PDCD6: variants seen among roughly 807,000 people sequenced by gnomAD.
PDCD6 encodes programmed cell death protein 6.
PDCD6 carries 12 observed loss-of-function variants against 28.3 expected under a neutral mutation model. That is an observed-to-expected ratio of 0.42 (90% CI 0.27 to 0.69). PDCD6 has a LOEUF of 0.69. Ranked by LOEUF, PDCD6 falls within the 30% of genes least tolerant of loss-of-function variation. The probability of loss-of-function intolerance (pLI) is 0.22; values close to 1 mark genes in which losing one functional copy is unlikely to be tolerated. For missense variants in PDCD6, 226 were observed against 269.9 expected (o/e 0.84, Z 1.14); for synonymous variants, 92 against 108.0 (o/e 0.85, Z 0.92).
intron 2 of PDCD6, among the ~76,000 whole-genome samples, chr5:278,683 A>G (rs953389745): frequency 3.3e-5 from 5 of 151,744 alleles, no homozygotes; most frequent in African/African-American, 1.2e-4. Context: ...ATTGCACTCC[A>G]GCCTGGGTGA....
chr5:302,003 C>T (rs1740089838), intron 2 of PDCD6, among the ~76,000 whole-genome samples: 1 of 138,174 alleles, frequency 7.2e-6, no homozygotes, highest in Admixed American at 7.7e-5. Context: ...TTCAGGTGCA[C>T]CTGCCTTTGT....
At chr5:293,421 C>T (rs1465452349) in intron 2 of PDCD6, among the ~76,000 whole-genome samples, 5 of 83,220 alleles carry the variant, frequency 6.0e-5, no homozygotes, top group African/African-American at 2.2e-4. Context: ...ATCAAGAAGA[C>T]GGGAACAGCA....
intron 2 of PDCD6, among the ~76,000 whole-genome samples, chr5:279,142 C>G (rs558521902): frequency 6.6e-6 from 1 of 152,230 alleles, no homozygotes; most frequent in East Asian, 1.9e-4. Flanking sequence ...AGTGTGGGGA[C>G]ACAGAGACTG....
intron 2 of PDCD6, among the ~76,000 whole-genome samples, chr5:283,831 G>A (rs1028611207): frequency 6.6e-6 from 1 of 150,554 alleles, no homozygotes; most frequent in East Asian, 2.0e-4. Context: ...CTGCAGACCC[G>A]GAGAGGAGCT....
chr5:293,342 C>G (rs1462194994), intron 2 of PDCD6, among the ~76,000 whole-genome samples: 3 of 133,560 alleles, frequency 2.2e-5, no homozygotes. Flanking sequence ...GGGAACAGCA[C>G]GAGGCACTGG....
chr5:293,280 G>A (rs1269247193), intron 2 of PDCD6, among the ~76,000 whole-genome samples: 1 of 151,726 alleles, frequency 6.6e-6, no homozygotes, highest in African/African-American at 2.4e-5. Flanking sequence ...AAACACCCAC[G>A]ATACTGTCAG....
At chr5:278,870 G>A (rs866780215) in intron 2 of PDCD6, among the ~76,000 whole-genome samples, 3 of 149,610 alleles carry the variant, frequency 2.0e-5, no homozygotes, top group African/African-American at 4.9e-5. Flanking sequence ...CTGGGGACAC[G>A]GGAGGGGCTG....
At position 271,648 on chromosome 5, in the gene PDCD6, A is replaced by C. The variant is rs1199069679; in HGVS notation, c.-73A>C. The C allele has an allele frequency of 1.2e-6, 1 of 850,288 alleles. No homozygotes were observed. The highest frequency in any genetic ancestry group is 1.7e-5 in the African/African-American group (1 of 58,214). 52.7% of individuals were successfully genotyped at this position (850,288 alleles called of 1,614,324 possible). ...TAATGCCAGGCCCTGCCCCCGGCAG[A>C]GGCGGAAGCGGAGTCGGCCTGAGAG... On this transcript the variant is annotated 5_prime_UTR_variant, in exon 1 of 6. Transcript: ENST00000264933.
chr5:271,684 G>C lies in PDCD6; in HGVS notation c.-37G>C. ...GAGTCGGCCTGAGAGGTCTCTCGTCGCTGCAGGCGCCTCAGCCCAGCCGCG... is the reference window on the plus strand; with the variant it reads ...GAGTCGGCCTGAGAGGTCTCTCGTCCCTGCAGGCGCCTCAGCCCAGCCGCG... On this transcript the variant is annotated 5_prime_UTR_variant, in exon 1 of 6. Transcript: ENST00000264933. The C allele has an allele frequency of 7.9e-7, 1 of 1,267,746 alleles. No individual in the cohort carries two copies. The allele number at this position is 1,267,746 out of a possible 1,614,324, so 78.5% of individuals were successfully genotyped here.
intron 2 of PDCD6, among the ~76,000 whole-genome samples, chr5:299,686 A>T (rs562904012): frequency 6.6e-5 from 10 of 151,806 alleles, no homozygotes; most frequent in African/African-American, 2.4e-4. Flanking sequence ...AGTAGCTGGG[A>T]CTACAGGCAC....
At chr5:312,010 T>G (rs1283009293) in intron 5 of PDCD6, 1 of 154,028 alleles carries the variant, frequency 6.5e-6, no homozygotes, top group Non-Finnish European at 1.4e-5. Flanking sequence ...TTACAAAAAC[T>G]TTTATTCTGA....
chr5:274,539 A>G (rs1429499905), intron 2 of PDCD6, among the ~76,000 whole-genome samples: 1 of 152,266 alleles, frequency 6.6e-6, no homozygotes, highest in Admixed American at 6.5e-5. Flanking sequence ...GCAAGTGCTC[A>G]GTAATTGTCA....
intron 2 of PDCD6, among the ~76,000 whole-genome samples, chr5:280,314 A>G (rs567734980): frequency 3.9e-5 from 5 of 127,552 alleles, no homozygotes; most frequent in Non-Finnish European, 7.4e-5. Flanking sequence ...GGAACAGCAC[A>G]GGGGAGAGAC....
At chr5:271,902 C>G in intron 1 of PDCD6, 81 bp downstream of exon 1, 1 of 713,422 alleles carries the variant, frequency 1.4e-6, no homozygotes, top group South Asian at 2.9e-5. Context: ...CGACCAACCC[C>G]GTTCCCTGCC....
At chr5:299,687 C>A (rs139751888) in intron 2 of PDCD6, among the ~76,000 whole-genome samples, 1 of 151,834 alleles carries the variant, frequency 6.6e-6, no homozygotes. Flanking sequence ...GTAGCTGGGA[C>A]TACAGGCACA....
chr5:289,400 C>T (rs1229305623), intron 2 of PDCD6: 1 of 640,966 alleles, frequency 1.6e-6, no homozygotes, highest in Non-Finnish European at 2.8e-6. Flanking sequence ...TACAGATGGT[C>T]TCTCAATACC....
intron 2 of PDCD6, among the ~76,000 whole-genome samples, chr5:288,292 T>A (rs1234707422): frequency 3.4e-4 from 36 of 107,110 alleles, no homozygotes; most frequent in African/African-American, 7.2e-4. Context: ...AATATATATA[T>A]TATATATATA....
intron 2 of PDCD6, chr5:276,096 G>C: frequency 1.9e-6 from 2 of 1,042,968 alleles, no homozygotes; most frequent in South Asian, 1.3e-5. Flanking sequence ...GAGTGTAGTG[G>C]TGCACGCCTG....
At chr5:298,420 T>G (rs1739756322) in intron 2 of PDCD6, among the ~76,000 whole-genome samples, 1 of 151,970 alleles carries the variant, frequency 6.6e-6, no homozygotes, top group Non-Finnish European at 1.5e-5. Context: ...TGATGGGTTC[T>G]TCTTCCTGCA....
Sources: gnomAD v4.1 joint callset for allele counts (sites outside exome capture counted in the v4.1 genomes callset) on GRCh38, gnomAD v4.1.1 for gene constraint, MANE v1.5 for transcripts, NCBI Gene and HGNC (gene_info 2026-07-23, HGNC 2026-07-21) for gene names.